Variants in EML1 observed in about 807,000 individuals in gnomAD.
EML1 encodes echinoderm microtubule-associated protein-like 1.
EML1 carries 27 observed loss-of-function variants against 110.4 expected under a neutral mutation model. The ratio of observed to expected loss-of-function variants is 0.24; its 90% CI spans 0.18 to 0.34. EML1 has a LOEUF of 0.34. Among genes scored for constraint, EML1 ranks in the 10% least tolerant of loss-of-function variants. EML1 has a pLI of 1.00. For missense variants in EML1, 741 were observed against 1,030.9 expected (o/e 0.72, Z 3.85); for synonymous variants, 344 against 385.8 (o/e 0.89, Z 1.27).
At chr14:99,902,379 C>T (rs146125741) in intron 9 of EML1, among the ~76,000 whole-genome samples, 14 of 152,236 alleles carry the variant, frequency 9.2e-5, no homozygotes, top group Non-Finnish European at 1.2e-4. Flanking sequence ...TCTTCTGAGC[C>T]GCAGTCAGAG....
At chr14:99,790,253 C>T (rs113424661), upstream of EML1, among the ~76,000 whole-genome samples, 304 of 152,262 alleles carry the variant, frequency 2.0e-3, 2 homozygotes, top group African/African-American at 7.2e-3. Flanking sequence ...TCTCCTTTCC[C>T]ATGTCTAAAT....
At chr14:99,811,607 A>G (rs2058080626) in intron 1 of EML1, among the ~76,000 whole-genome samples, 1 of 148,556 alleles carries the variant, frequency 6.7e-6, no homozygotes, top group African/African-American at 2.5e-5. Flanking sequence ...GTTTTAGATC[A>G]GCCTGGGCAA....
chr14:99,805,385 A>T (rs573368604), intron 1 of EML1, among the ~76,000 whole-genome samples: 2 of 150,482 alleles, frequency 1.3e-5, no homozygotes, highest in Non-Finnish European at 3.0e-5. Flanking sequence ...TGTTTGTGAA[A>T]CTCTTCCGTC....
At chr14:99,780,900 G>A (rs746384332) in intron 1 of EML1, among the ~76,000 whole-genome samples, 2 of 152,090 alleles carry the variant, frequency 1.3e-5, no homozygotes, top group Non-Finnish European at 2.9e-5. Flanking sequence ...TACGATGCTC[G>A]CACAATGATG....
intron 1 of EML1, among the ~76,000 whole-genome samples, chr14:99,741,193 G>A (rs1410155344): frequency 6.6e-6 from 1 of 152,162 alleles, no homozygotes; most frequent in Non-Finnish European, 1.5e-5. Flanking sequence ...AGCAGGTATG[G>A]TAAGGACAGG....
At chr14:99,931,893 G>A (rs138236569) in intron 17 of EML1, among the ~76,000 whole-genome samples, 32 of 152,306 alleles carry the variant, frequency 2.1e-4, no homozygotes, top group Non-Finnish European at 3.8e-4. Context: ...GGCAGTCGTC[G>A]CGGTCAACGG....
At chr14:99,830,064 G>A (rs1204038464) in intron 1 of EML1, among the ~76,000 whole-genome samples, 1 of 152,188 alleles carries the variant, frequency 6.6e-6, no homozygotes, top group Non-Finnish European at 1.5e-5. Flanking sequence ...TTGAGGATCT[G>A]CCAAAACTGT....
intron 4 of EML1, among the ~76,000 whole-genome samples, chr14:99,890,334 G>A (rs2059564937): frequency 6.6e-6 from 1 of 152,150 alleles, no homozygotes. Flanking sequence ...TGAGGTCAAG[G>A]GGTCACCCCC....
chr14:99,739,644 G>A (rs4905891), intron 1 of EML1, among the ~76,000 whole-genome samples: 109,131 of 152,046 alleles, frequency 0.72, 42,433 homozygotes, highest in South Asian at 0.9. Flanking sequence ...GCCACGTGAC[G>A]GTCTTTTGTC....
chr14:99,765,598 G>A (rs533156018), intron 1 of EML1, among the ~76,000 whole-genome samples: 6 of 151,786 alleles, frequency 4.0e-5, no homozygotes, highest in Non-Finnish European at 7.4e-5. Flanking sequence ...TAGATTTACC[G>A]CACTATATAT....
At chr14:99,852,933 A>G (rs1367915733) in intron 2 of EML1, among the ~76,000 whole-genome samples, 1 of 152,208 alleles carries the variant, frequency 6.6e-6, no homozygotes, top group African/African-American at 2.4e-5. Flanking sequence ...TAGAAACCGC[A>G]TTATTTTAAG....
At chr14:99,867,951 G>A (rs2059129865) in intron 3 of EML1, among the ~76,000 whole-genome samples, 1 of 151,996 alleles carries the variant, frequency 6.6e-6, no homozygotes, top group African/African-American at 2.4e-5. Flanking sequence ...TTTGAGCTGT[G>A]GCCACTCAAA....
At chr14:99,782,518 C>G (rs1469719238) in intron 1 of EML1, among the ~76,000 whole-genome samples, 1 of 152,118 alleles carries the variant, frequency 6.6e-6, no homozygotes, top group East Asian at 1.9e-4. Context: ...ACAGGGCACT[C>G]AGTGTGGCGA....
At chr14:99,938,120 G>GT (rs1279461261) in intron 20 of EML1, among the ~76,000 whole-genome samples, 1 of 152,088 alleles carries the variant, frequency 6.6e-6, no homozygotes, top group Non-Finnish European at 1.5e-5. Context: ...AGAGAGATGG[G>GT]TTTTTAACCC....
At chr14:99,921,802 CT>C (rs1195896639) in intron 17 of EML1, among the ~76,000 whole-genome samples, 1 of 152,158 alleles carries the variant, frequency 6.6e-6, no homozygotes, top group East Asian at 1.9e-4. Flanking sequence ...CTCATCGATT[CT>C]TTATAAGCTT....
intron 15 of EML1, among the ~76,000 whole-genome samples, chr14:99,916,028 G>A (rs1387582724): frequency 6.6e-6 from 1 of 152,254 alleles, no homozygotes; most frequent in African/African-American, 2.4e-5. Flanking sequence ...GTGATGGCAG[G>A]AAAGGGCTAA....
At chr14:99,853,525 G>C (rs575692411) in intron 2 of EML1, among the ~76,000 whole-genome samples, 50 of 152,174 alleles carry the variant, frequency 3.3e-4, no homozygotes, top group Non-Finnish European at 6.0e-4. Flanking sequence ...CTGGCTCTCT[G>C]TGGTCATGGT....
At chr14:99,885,628 A>G (rs995368184) in intron 4 of EML1, among the ~76,000 whole-genome samples, 1 of 152,166 alleles carries the variant, frequency 6.6e-6, no homozygotes, top group Admixed American at 6.5e-5. Context: ...AAAATGTTTC[A>G]CTCTTCAAGC....
Position 99,889,388 on chromosome 14 carries a change from G to A in EML1, c.519-1811G>A, listed in dbSNP as rs1332781920. Among the ~76,000 whole-genome samples the A allele has an allele frequency of 4.6e-5, 7 of 152,306 alleles. No individual in the cohort carries two copies. In the East Asian group the frequency reaches 1.3e-3, roughly 29 times the overall value. ...CAGGAGCTCCAGGCCTCACACCAGG[G>A]CAGCCGCTGTCTATTGTCCAAGGCC... On this transcript the variant is annotated intron_variant, in intron 4 of 21. Coordinates refer to ENST00000262233, the MANE Select transcript of EML1 (RefSeq NM_004434.3).
Sources: allele counts gnomAD v4.1 joint callset (sites outside exome capture counted in the v4.1 genomes callset), GRCh38; gene constraint gnomAD v4.1.1; transcripts MANE v1.5; gene names NCBI Gene and HGNC (gene_info 2026-07-23, HGNC 2026-07-21).